NEK10: variants seen among roughly 807,000 people sequenced by gnomAD.
NEK10 encodes serine/threonine-protein kinase Nek10.
Under a neutral mutation model 159.8 loss-of-function variants are expected in NEK10, and 122 were observed. The observed-to-expected ratio is 0.76, with a 90% CI of 0.66 to 0.89. The LOEUF (loss-of-function observed/expected upper bound fraction) is 0.89. Ranked by LOEUF, NEK10 falls within the 40% of genes least tolerant of loss-of-function variation. The pLI is 0.00. For synonymous variants in NEK10, 466 were observed against 457.1 expected (o/e 1.02, Z -0.25); for missense variants, 1,342 against 1,323.1 (o/e 1.01, Z -0.22).
At chr3:27,161,850 C>T (rs147101348) in intron 30 of NEK10, among the ~76,000 whole-genome samples, 1,523 of 152,042 alleles carry the variant, frequency 0.01, 28 homozygotes, top group African/African-American at 0.034. Flanking sequence ...ATTAAAAATA[C>T]AAAAATTAGC....
intron 12 of NEK10, among the ~76,000 whole-genome samples, chr3:27,302,050 G>A (rs2043866757): frequency 1.3e-5 from 2 of 152,148 alleles, no homozygotes; most frequent in South Asian, 4.1e-4. Context: ...ATTGAAAAGT[G>A]TCCTCTCCCC....
rs1005793836 is a variant in NEK10 at position 27,131,867 on chromosome 3, T to G, written c.3081+13A>C. 1 of 1,434,000 alleles carries G rather than the reference T, an allele frequency of 7.0e-7. No homozygotes were observed. Among genetic ancestry groups the G allele is most frequent in the Non-Finnish European group, 9.8e-7 (1 of 1,020,782 alleles). The allele number at this position is 1,434,000 out of a possible 1,614,324, so 88.8% of individuals were successfully genotyped here. ...TTGTCAGCAAAAGAATTCCTATATA[T>G]AGAATACCATACCTTTTTAATTTCA... On this transcript the variant is annotated intron_variant, in intron 32 of 35. Transcript: ENST00000691995.
chr3:27,223,942 T>C (rs1364633486), intron 23 of NEK10, among the ~76,000 whole-genome samples: 1 of 152,212 alleles, frequency 6.6e-6, no homozygotes, highest in Non-Finnish European at 1.5e-5. Flanking sequence ...GTTTTGTGGG[T>C]TGGATTGTGT....
Position 27,111,001 on chromosome 3 carries a change from A to G in NEK10, c.*271T>C, listed in dbSNP as rs924578008. 18 of 316,280 alleles carry G rather than the reference A, an allele frequency of 5.7e-5. No homozygotes were observed. Among genetic ancestry groups the G allele is most frequent in the Non-Finnish European group, 9.8e-5 (17 of 174,278 alleles). 19.6% of individuals were successfully genotyped at this position (316,280 alleles called of 1,614,324 possible). ...TTTGGGTTTTCCCCCCACCCTCCAAAAGATGAATTTTGCAGCATTTTCTCC... is the reference window on the plus strand; with the variant it reads ...TTTGGGTTTTCCCCCCACCCTCCAAGAGATGAATTTTGCAGCATTTTCTCC... On this transcript the variant is annotated 3_prime_UTR_variant, in exon 36 of 36. Transcript: ENST00000691995.
chr3:27,263,182 T>G (rs1055976558), intron 22 of NEK10, among the ~76,000 whole-genome samples: 4 of 152,206 alleles, frequency 2.6e-5, no homozygotes, highest in Non-Finnish European at 5.9e-5. Context: ...CTGGAAGTTT[T>G]GTCTCAGAGG....
At chr3:27,304,015 A>C (rs2044039649) in intron 12 of NEK10, among the ~76,000 whole-genome samples, 1 of 152,214 alleles carries the variant, frequency 6.6e-6, no homozygotes, top group South Asian at 2.1e-4. Flanking sequence ...TATTATTATT[A>C]AATACTTCAA....
intron 31 of NEK10, among the ~76,000 whole-genome samples, chr3:27,133,822 G>A (rs1295190389): frequency 2.6e-5 from 4 of 152,114 alleles, no homozygotes; most frequent in East Asian, 1.9e-4. Context: ...GTCAAAATAC[G>A]TTAATTAGCG....
At chr3:27,347,056 G>A (rs879781254) in intron 3 of NEK10, among the ~76,000 whole-genome samples, 23 of 152,248 alleles carry the variant, frequency 1.5e-4, no homozygotes, top group Non-Finnish European at 3.4e-4. Context: ...ACAAATGAAG[G>A]ACGTTCTATA....
chr3:27,309,114 C>T (rs762148981), intron 9 of NEK10, 109 bp from the exon 10 acceptor site: 110 of 589,414 alleles, frequency 1.9e-4, no homozygotes, highest in Non-Finnish European at 2.9e-4. Flanking sequence ...TGACAAAATG[C>T]TTCCCTCTTA....
chr3:27,307,577 C>G (rs1217557093), intron 11 of NEK10, among the ~76,000 whole-genome samples: 2 of 152,098 alleles, frequency 1.3e-5, no homozygotes, highest in Non-Finnish European at 2.9e-5. Flanking sequence ...CCTAAAAAGG[C>G]AGGATATAAA....
intron 32 of NEK10, among the ~76,000 whole-genome samples, chr3:27,124,254 T>G (rs141777293): frequency 1.6e-4 from 24 of 152,214 alleles, no homozygotes; most frequent in African/African-American, 5.8e-4. Flanking sequence ...TAATAACTAT[T>G]AGTCTGACAA....
At chr3:27,167,426 G>T (rs1946583557) in intron 29 of NEK10, among the ~76,000 whole-genome samples, 1 of 152,130 alleles carries the variant, frequency 6.6e-6, no homozygotes, top group Non-Finnish European at 1.5e-5. Flanking sequence ...ATGAATGAAG[G>T]TTCTTAAGAT....
chr3:27,199,750 T>A (rs1949883704), intron 25 of NEK10, among the ~76,000 whole-genome samples: 1 of 152,182 alleles, frequency 6.6e-6, no homozygotes, highest in Non-Finnish European at 1.5e-5. Context: ...AAATATGGTA[T>A]ATACACACCA....
chr3:27,303,418 T>C (rs1559465917), intron 12 of NEK10, among the ~76,000 whole-genome samples: 1 of 152,162 alleles, frequency 6.6e-6, no homozygotes, highest in African/African-American at 2.4e-5. Flanking sequence ...TAGGTATGAT[T>C]GTCCAATAAT....
intron 20 of NEK10, among the ~76,000 whole-genome samples, chr3:27,286,325 A>T (rs559566833): frequency 6.0e-5 from 9 of 151,134 alleles, no homozygotes; most frequent in Non-Finnish European, 1.3e-4. Context: ...TGACCTCGTG[A>T]TCGGCCCATC....
chr3:27,291,668 A>G, intron 16 of NEK10, 82 bp from the exon 17 acceptor site: 2 of 801,468 alleles, frequency 2.5e-6, no homozygotes, highest in South Asian at 3.1e-5. Flanking sequence ...TTTGAGACAG[A>G]GTCTCACTGT....
At position 27,322,398 on chromosome 3, in the gene NEK10, C is replaced by T; in HGVS notation, c.363-137G>A. The T allele has an allele frequency of 6.4e-6, 4 of 620,836 alleles. No individual in the cohort carries two copies. In the South Asian group the frequency reaches 8.1e-5, roughly 13 times the overall value. The allele number at this position is 620,836 out of a possible 1,614,324, so 38.5% of individuals were successfully genotyped here. A position where few individuals can be genotyped will look rare whatever the true frequency, so the allele number is the denominator to read the frequency against. On this transcript the variant is annotated intron_variant, in intron 5 of 35. Coordinates refer to ENST00000691995, the MANE Select transcript of NEK10 (RefSeq NM_001394966.1). ...TTGCACTGGGGACTGTTATTTGGTACTTGAACACTTGACTCATTTTAATTC... is the reference window on the plus strand; with the variant it reads ...TTGCACTGGGGACTGTTATTTGGTATTTGAACACTTGACTCATTTTAATTC...
At chr3:27,153,533 C>G (rs1380203201) in intron 30 of NEK10, among the ~76,000 whole-genome samples, 2 of 152,058 alleles carry the variant, frequency 1.3e-5, no homozygotes, top group East Asian at 3.9e-4. Context: ...GGAACTTTCT[C>G]CAAGATAGAC....
chr3:27,171,838 C>T lies in NEK10; in HGVS notation c.2812G>A (p.Glu938Lys), dbSNP rs1372824269. 6.2e-7 allele frequency: 1 copy of T among 1,613,718 alleles called. No homozygotes were observed. Among genetic ancestry groups the T allele is most frequent in the East Asian group, 2.2e-5 (1 of 44,864 alleles). The change falls in exon 29 of 36, where the codon GAA becomes AAA. Residue 938 changes from glutamate to lysine, a missense_variant. Coordinates refer to ENST00000691995, the MANE Select transcript of NEK10 (RefSeq NM_001394966.1). ...ACCTACCTTGTTTGGGATTGTCTTT[C>T]TCCTCCTGAAGCACTAAAACTTCTC... ...LKRSFSASGGERQSQTRDFTG... is the reference protein window; with the variant it reads ...LKRSFSASGGKRQSQTRDFTG...
Sources: allele counts gnomAD v4.1 joint callset (sites outside exome capture counted in the v4.1 genomes callset), GRCh38; gene constraint gnomAD v4.1.1; transcripts MANE v1.5; gene names NCBI Gene and HGNC (gene_info 2026-07-23, HGNC 2026-07-21).